GPC6: variants seen among roughly 807,000 people sequenced by gnomAD.
The protein encoded by GPC6 is glypican 6.
GPC6 carries 14 observed loss-of-function variants against 55.2 expected under a neutral mutation model. The ratio of observed to expected loss-of-function variants is 0.25; its 90% CI spans 0.17 to 0.40. GPC6 has a LOEUF of 0.40. Among genes scored for constraint, GPC6 ranks in the 10% least tolerant of loss-of-function variants. The pLI is 1.00. For synonymous variants in GPC6, 278 were observed against 259.6 expected, an observed-to-expected ratio of 1.07 and a Z score of -0.68; for missense variants, 641 against 708.5, an observed-to-expected ratio of 0.90 and a Z score of 1.08.
intron 2 of GPC6, among the ~76,000 whole-genome samples, chr13:93,809,409 A>G (rs759268400): frequency 4.6e-5 from 7 of 152,154 alleles, no homozygotes; most frequent in Admixed American, 1.3e-4. Context: ...AGATCTTAGG[A>G]TTTTAAGGGC....
intron 1 of GPC6, among the ~76,000 whole-genome samples, chr13:93,309,986 T>C (rs1823889586): frequency 6.6e-6 from 1 of 152,166 alleles, no homozygotes; most frequent in South Asian, 2.1e-4. Context: ...GTAAGAAGGG[T>C]TGTTTGTGAA....
intron 1 of GPC6, among the ~76,000 whole-genome samples, chr13:93,539,671 G>A (rs139932165): frequency 3.4e-4 from 51 of 149,526 alleles, no homozygotes; most frequent in African/African-American, 1.2e-3. Context: ...CATCATATTA[G>A]CCAAGAGAGG....
intron 2 of GPC6, among the ~76,000 whole-genome samples, chr13:93,726,241 G>A (rs1037263111): frequency 2.0e-5 from 3 of 151,654 alleles, no homozygotes; most frequent in Admixed American, 6.6e-5. Flanking sequence ...CGAACATGGT[G>A]ACATATTTAC....
At chr13:93,730,125 T>C (rs1883772017) in intron 2 of GPC6, among the ~76,000 whole-genome samples, 1 of 152,098 alleles carries the variant, frequency 6.6e-6, no homozygotes, top group Non-Finnish European at 1.5e-5. Context: ...TATGTGTTAA[T>C]AAAATGTTCA....
chr13:93,497,144 C>CAA (rs1383720094), intron 1 of GPC6, among the ~76,000 whole-genome samples: 1 of 152,136 alleles, frequency 6.6e-6, no homozygotes, highest in African/African-American at 2.4e-5. Context: ...ATTAAAACAA[C>CAA]AAAAATCTAG....
intron 1 of GPC6, among the ~76,000 whole-genome samples, chr13:93,302,859 C>G (rs1878729147): frequency 1.3e-5 from 2 of 152,050 alleles, no homozygotes; most frequent in African/African-American, 2.4e-5. Flanking sequence ...AAGAAAAATC[C>G]CTGAGCAGAC....
At chr13:93,690,507 A>G (rs2138779676) in intron 2 of GPC6, among the ~76,000 whole-genome samples, 1 of 151,970 alleles carries the variant, frequency 6.6e-6, no homozygotes, top group East Asian at 1.9e-4. Flanking sequence ...CTGATTCTAA[A>G]ACTGATTTTT....
intron 2 of GPC6, among the ~76,000 whole-genome samples, chr13:93,725,268 T>G (rs1883594590): frequency 6.6e-6 from 1 of 152,034 alleles, no homozygotes; most frequent in East Asian, 1.9e-4. Context: ...TTTTAATTGT[T>G]TTTAAGTATC....
At chr13:94,331,922 TTCTC>T (rs901838768) in intron 6 of GPC6, among the ~76,000 whole-genome samples, 29 of 152,230 alleles carry the variant, frequency 1.9e-4, no homozygotes, top group African/African-American at 6.0e-4. Context: ...ACATGTGCTC[TTCTC>T]TCTCTTTTTT....
intron 1 of GPC6, among the ~76,000 whole-genome samples, chr13:93,396,532 T>A (rs1168058810): frequency 2.0e-5 from 3 of 151,844 alleles, no homozygotes; most frequent in African/African-American, 7.3e-5. Flanking sequence ...CTGGGCATGA[T>A]ACTCCAGCCC....
At chr13:93,817,249 C>T (rs932433904) in intron 2 of GPC6, among the ~76,000 whole-genome samples, 3 of 152,032 alleles carry the variant, frequency 2.0e-5, no homozygotes, top group African/African-American at 7.3e-5. Context: ...TATAAGAATC[C>T]CTTGGAATAG....
Position 93,927,007 on chromosome 13 carries a change from T to A in GPC6, c.711+96462T>A, listed in dbSNP as rs1335881470. Among the ~76,000 whole-genome samples the A allele has an allele frequency of 2.6e-5, 4 of 152,312 alleles. No homozygotes were observed. In the East Asian group the frequency reaches 7.7e-4, roughly 29 times the overall value. On this transcript the variant is annotated intron_variant, in intron 3 of 8. Coordinates refer to ENST00000377047, the MANE Select transcript of GPC6 (RefSeq NM_005708.5). The stretch of plus-strand genomic sequence containing the variant: ...GTAGTTTTCTGTATAATGTTCTGTT[T>A]ACTGTATATTCAGCTGAGGATTTGA...
At chr13:93,851,538 G>T (rs977404938) in intron 3 of GPC6, among the ~76,000 whole-genome samples, 1 of 151,888 alleles carries the variant, frequency 6.6e-6, no homozygotes, top group East Asian at 1.9e-4. Flanking sequence ...GCTCACTGCA[G>T]TAGAGGGAAA....
chr13:94,252,103 G>A (rs1891367715), intron 4 of GPC6, among the ~76,000 whole-genome samples: 1 of 152,076 alleles, frequency 6.6e-6, no homozygotes, highest in Non-Finnish European at 1.5e-5. Context: ...TGCTCCTTGG[G>A]TGGCCTTCAA....
At chr13:94,283,785 C>T (rs1892453733) in intron 4 of GPC6, among the ~76,000 whole-genome samples, 1 of 152,116 alleles carries the variant, frequency 6.6e-6, no homozygotes, top group Admixed American at 6.5e-5. Context: ...TGTAACTGTC[C>T]TGGTTTAATT....
intron 2 of GPC6, among the ~76,000 whole-genome samples, chr13:93,735,312 A>T (rs1004116168): frequency 7.6e-4 from 115 of 152,094 alleles, no homozygotes; most frequent in Non-Finnish European, 1.5e-3. Context: ...AGGTGGGTGG[A>T]TCACGAGGTC....
At chr13:93,417,004 C>G (rs1328265089) in intron 1 of GPC6, among the ~76,000 whole-genome samples, 1 of 152,088 alleles carries the variant, frequency 6.6e-6, no homozygotes, top group Non-Finnish European at 1.5e-5. Flanking sequence ...AATAAAGCCA[C>G]TGGGATTTGA....
At chr13:93,893,841 T>C (rs6492681) in intron 3 of GPC6, among the ~76,000 whole-genome samples, 101,303 of 152,082 alleles carry the variant, frequency 0.67, 34,313 homozygotes, top group East Asian at 0.81. Context: ...ATTTTAGCAG[T>C]AGAACACTTC....
intron 3 of GPC6, among the ~76,000 whole-genome samples, chr13:94,021,460 C>CT (rs1032938484): frequency 6.6e-6 from 1 of 151,956 alleles, no homozygotes; most frequent in African/African-American, 2.4e-5. Context: ...TAAGAACATG[C>CT]TATACCTCAA....
Sources: allele counts gnomAD v4.1 joint callset (sites outside exome capture counted in the v4.1 genomes callset), GRCh38; gene constraint gnomAD v4.1.1; transcripts MANE v1.5; gene names NCBI Gene and HGNC (gene_info 2026-07-23, HGNC 2026-07-21).